The following PHACTR1 variants were observed in gnomAD, a reference collection of about 807,000 sequenced individuals.
The protein encoded by PHACTR1 is phosphatase and actin regulator 1, also known as RPEL repeat containing 1.
PHACTR1 carries 16 observed loss-of-function variants against 69.2 expected under a neutral mutation model. The ratio of observed to expected loss-of-function variants is 0.23; its 90% CI spans 0.16 to 0.35. The LOEUF is 0.35. Among genes scored for constraint, PHACTR1 ranks in the 10% least tolerant of loss-of-function variants. The pLI is 1.00. For synonymous variants in PHACTR1, 312 were observed against 284.5 expected, an observed-to-expected ratio of 1.10 and a Z score of -0.97; for missense variants, 510 against 734.7, an observed-to-expected ratio of 0.69 and a Z score of 3.54.
chr6:13,091,775 T>C (rs1389981108), intron 5 of PHACTR1, among the ~76,000 whole-genome samples: 1 of 152,108 alleles, frequency 6.6e-6, no homozygotes, highest in Non-Finnish European at 1.5e-5. Context: ...CTAGATCCCT[T>C]GCATGCGCAG....
chr6:13,280,807 CA>C, intron 12 of PHACTR1: 1 of 486,536 alleles, frequency 2.1e-6, no homozygotes, highest in Non-Finnish European at 3.4e-6. Flanking sequence ...ACTTTGGCTG[CA>C]AAGATTATTT....
chr6:12,954,785 T>C (rs1383882215), intron 4 of PHACTR1, among the ~76,000 whole-genome samples: 2 of 152,260 alleles, frequency 1.3e-5, no homozygotes, highest in Admixed American at 6.5e-5. Flanking sequence ...AATTATGCCA[T>C]AGGGCTAGAA....
At chr6:12,870,632 A>G (rs1781939778) in intron 4 of PHACTR1, among the ~76,000 whole-genome samples, 2 of 152,202 alleles carry the variant, frequency 1.3e-5, no homozygotes, top group Admixed American at 6.5e-5. Context: ...ACATATACAG[A>G]TACACAGGTA....
intron 4 of PHACTR1, among the ~76,000 whole-genome samples, chr6:12,849,725 G>A (rs1260705172): frequency 3.3e-5 from 5 of 152,008 alleles, no homozygotes; most frequent in Admixed American, 6.6e-5. Context: ...AAGTTTTCCC[G>A]TCCCCCAGAT....
intron 7 of PHACTR1, among the ~76,000 whole-genome samples, chr6:13,184,228 C>G (rs754034274): frequency 6.6e-6 from 1 of 152,184 alleles, no homozygotes; most frequent in Non-Finnish European, 1.5e-5. Flanking sequence ...TATGAGGTGT[C>G]AGCGTTCCAG....
Position 13,184,864 on chromosome 6 carries a change from C to G in PHACTR1, c.664+2178C>G, listed in dbSNP as rs761790090. The G allele has an allele frequency of 8.8e-6, 12 of 1,366,502 alleles. No homozygotes were observed. The African/African-American group carries it at 1.5e-4, about 17-fold the overall frequency. 84.6% of individuals were successfully genotyped at this position (1,366,502 alleles called of 1,614,324 possible). A position where few individuals can be genotyped will look rare whatever the true frequency, so the allele number is the denominator to read the frequency against. ...CCTGTCCCAAGATCCTTCAGCCAAA[C>G]CAGTCCTGCTACTGCCCCCCAAAAA... On this transcript the variant is annotated intron_variant, in intron 7 of 14. Coordinates refer to ENST00000332995, the MANE Select transcript of PHACTR1 (RefSeq NM_030948.6).
intron 4 of PHACTR1, among the ~76,000 whole-genome samples, chr6:12,829,964 A>AAGAGAGAG (rs149861206): frequency 0.014 from 1,447 of 99,898 alleles, 52 homozygotes; most frequent in Non-Finnish European, 0.018. Flanking sequence ...TCAAGAAAGA[A>AAGAGAGAG]AGAGAGAGAG....
rs1274858044 is a variant in PHACTR1 at position 12,949,828 on chromosome 6, C to T, written c.251-103537C>T. Among the ~76,000 whole-genome samples the T allele has an allele frequency of 2.0e-5, 3 of 152,224 alleles. No homozygotes were observed. The South Asian group carries it at 6.2e-4, about 32-fold the overall frequency. On this transcript the variant is annotated intron_variant, in intron 4 of 14. Transcript: ENST00000332995. Reference sequence around the variant, plus strand: ...TGGGATTTTCTCATACCACTACACACACACAATTACACAGTGCTCTGAGGA... The same window carrying T: ...TGGGATTTTCTCATACCACTACACATACACAATTACACAGTGCTCTGAGGA...
chr6:13,070,310 T>C (rs185409498), intron 5 of PHACTR1, among the ~76,000 whole-genome samples: 1 of 152,222 alleles, frequency 6.6e-6, no homozygotes, highest in South Asian at 2.1e-4. Flanking sequence ...TTAATAATTA[T>C]GTTATTAATA....
chr6:12,896,396 G>GACC (rs1326391595), intron 4 of PHACTR1, among the ~76,000 whole-genome samples: 2 of 152,176 alleles, frequency 1.3e-5, no homozygotes, highest in Non-Finnish European at 2.9e-5. Flanking sequence ...CAGAAACATA[G>GACC]ACCACATATT....
At position 12,946,805 on chromosome 6, in the gene PHACTR1, A is replaced by ATTTTT. The variant is rs11412388; in HGVS notation, c.251-106539_251-106535dup. Among the ~76,000 whole-genome samples the ATTTTT allele has an allele frequency of 3.4e-4, 29 of 85,204 alleles. 1 individual carries two copies. The highest frequency in any genetic ancestry group is 1.1e-3 in the African/African-American group (21 of 19,530). 55.9% of individuals were successfully genotyped at this position (85,204 alleles called of 152,430 possible). A position where few individuals can be genotyped will look rare whatever the true frequency, so the allele number is the denominator to read the frequency against. The stretch of plus-strand genomic sequence containing the variant: ...ACATACAGTGCAATGATGGTGCTGG[A>ATTTTT]TTTTTTTTTTTTTTTTTTTTTTTTT... On this transcript the variant is annotated intron_variant, in intron 4 of 14. Coordinates refer to ENST00000332995, the MANE Select transcript of PHACTR1 (RefSeq NM_030948.6).
Position 13,283,836 on chromosome 6 carries a change from G to T in PHACTR1, c.1650+274G>T. 1 of 466,414 alleles carries T rather than the reference G, an allele frequency of 2.1e-6. No homozygotes were observed. Among genetic ancestry groups the T allele is most frequent in the South Asian group, 2.1e-5 (1 of 48,328 alleles). The allele number at this position is 466,414 out of a possible 1,614,324, so 28.9% of individuals were successfully genotyped here. On this transcript the variant is annotated intron_variant, in intron 13 of 14. Coordinates refer to ENST00000332995, the MANE Select transcript of PHACTR1 (RefSeq NM_030948.6). The surrounding 1 kb of genome is among the most constrained non-coding windows in gnomAD (Gnocchi z 4.7). ...AGGCTGTGCCCAGAGAAAGAGAATA[G>T]CACTGGATAGGTGTAGACAGGTGAA...
chr6:12,785,312 G>C (rs1407512887), intron 4 of PHACTR1, among the ~76,000 whole-genome samples: 2 of 152,068 alleles, frequency 1.3e-5, no homozygotes, highest in Non-Finnish European at 2.9e-5. Context: ...ATCCACCACC[G>C]GTCCAATTTC....
At chr6:13,087,261 A>T (rs899048619) in intron 5 of PHACTR1, among the ~76,000 whole-genome samples, 8 of 150,634 alleles carry the variant, frequency 5.3e-5, no homozygotes, top group African/African-American at 1.9e-4. Context: ...CCTTCTTTTT[A>T]AAAAATGAAG....
At chr6:13,286,385 G>A (rs764346142) in intron 14 of PHACTR1, among the ~76,000 whole-genome samples, 163 bp downstream of exon 14, 3 of 152,210 alleles carry the variant, frequency 2.0e-5, no homozygotes, top group Non-Finnish European at 2.9e-5. Flanking sequence ...TTACTGAAAC[G>A]AGGAAGTGGA....
chr6:13,035,445 C>T (rs544034086), intron 4 of PHACTR1, among the ~76,000 whole-genome samples: 113 of 151,504 alleles, frequency 7.5e-4, no homozygotes, highest in African/African-American at 2.7e-3. Context: ...TTAAACCTAA[C>T]AACCCATTTT....
At chr6:12,793,938 T>C (rs1772658304) in intron 4 of PHACTR1, among the ~76,000 whole-genome samples, 1 of 152,204 alleles carries the variant, frequency 6.6e-6, no homozygotes, top group African/African-American at 2.4e-5. Flanking sequence ...GCATTTATTA[T>C]GCAACAACAA....
rs765090162 is a variant in PHACTR1, at chr6:12,749,723, G to T, written c.183G>T (p.Arg61=). Residue 61 remains arginine, a synonymous_variant, in exon 4 of 15, where the codon CGG becomes CGT. Coordinates refer to ENST00000332995, the MANE Select transcript of PHACTR1 (RefSeq NM_030948.6). ...SEDDIDRRPI[R]RVRSKSDTPY... is the part of the protein sequence containing the mutation. Reference sequence around the variant, plus strand: ...ATGATATAGACCGGCGGCCCATCCGGAGAGTGCGCTCCAAGAGCGACACGC... The same window carrying T: ...ATGATATAGACCGGCGGCCCATCCGTAGAGTGCGCTCCAAGAGCGACACGC... 6.2e-7 allele frequency: 1 copy of T among 1,612,188 alleles called. No individual in the cohort carries two copies. Among genetic ancestry groups the T allele is most frequent in the Non-Finnish European group, 8.5e-7 (1 of 1,179,634 alleles).
intron 4 of PHACTR1, among the ~76,000 whole-genome samples, chr6:13,004,635 T>G (rs1798560711): frequency 6.6e-6 from 1 of 152,254 alleles, no homozygotes. Flanking sequence ...GGTGGTTTGC[T>G]GCACCTATCA....
Sources: gnomAD v4.1 joint callset for allele counts (sites outside exome capture counted in the v4.1 genomes callset) on GRCh38, gnomAD v4.1.1 for gene constraint, Gnocchi (gnomAD v3.1) non-coding constraint, MANE v1.5 for transcripts, NCBI Gene and HGNC (gene_info 2026-07-23, HGNC 2026-07-21) for gene names.